Variants in EEA1 observed in about 807,000 individuals in gnomAD.
EEA1 encodes the protein early endosome antigen 1.
Under a neutral mutation model 209.2 loss-of-function variants are expected in EEA1, and 111 were observed. The observed-to-expected ratio is 0.53, with a 90% confidence interval of 0.45 to 0.62. The LOEUF is 0.62. EEA1 is among the 20% of genes least tolerant of loss of function. EEA1 has a pLI of 0.00. For synonymous variants in EEA1, 536 were observed against 540.6 expected (o/e 0.99, Z 0.12); for missense variants, 1,343 against 1,530.8 (o/e 0.88, Z 2.05).
chr12:92,857,841 C>T (rs905036728), intron 3 of EEA1, among the ~76,000 whole-genome samples: 2 of 152,160 alleles, frequency 1.3e-5, no homozygotes, highest in African/African-American at 4.8e-5. Context: ...ACATGGACTA[C>T]AAAATATACA....
chr12:92,849,585 T>G (rs947689446), intron 9 of EEA1, among the ~76,000 whole-genome samples: 2 of 152,208 alleles, frequency 1.3e-5, no homozygotes, highest in African/African-American at 4.8e-5. Flanking sequence ...AGTGTCAATT[T>G]TGGAAAAACT....
At chr12:92,828,980 C>G (rs930331200) in intron 11 of EEA1, among the ~76,000 whole-genome samples, 1 of 152,156 alleles carries the variant, frequency 6.6e-6, no homozygotes, top group Non-Finnish European at 1.5e-5. Context: ...GAAACTCTTC[C>G]AATTTCCCAT....
chr12:92,890,469 A>G (rs1393089746), intron 2 of EEA1, among the ~76,000 whole-genome samples: 1 of 152,204 alleles, frequency 6.6e-6, no homozygotes, highest in Non-Finnish European at 1.5e-5. Flanking sequence ...GAAGGTTAAA[A>G]AGAGACAGAT....
At chr12:92,904,605 C>T (rs1343425807) in intron 1 of EEA1, among the ~76,000 whole-genome samples, 3 of 152,206 alleles carry the variant, frequency 2.0e-5, no homozygotes, top group Non-Finnish European at 4.4e-5. Context: ...AGGTTACCCA[C>T]ACTTTTGTCT....
At chr12:92,850,904 G>A (rs892559954) in intron 9 of EEA1, among the ~76,000 whole-genome samples, 7 of 151,870 alleles carry the variant, frequency 4.6e-5, no homozygotes, top group Non-Finnish European at 1.5e-5. Context: ...TAATCTTTAT[G>A]CAAATATTCC....
rs1219917703 is a variant in EEA1 at position 92,811,269 on chromosome 12, T to C, written c.2199+10A>G. On this transcript the variant is annotated intron_variant, in intron 17 of 28. Transcript: ENST00000322349. ...AAAATATGACTAAATTCAACTTCTT[T>C]TATACAAACCTTAATTTGACCTTCT... 1 of 1,501,374 alleles carries C rather than the reference T, an allele frequency of 6.7e-7. No homozygotes were observed. Among genetic ancestry groups the C allele is most frequent in the Non-Finnish European group, 8.9e-7 (1 of 1,125,056 alleles). 93.0% of individuals were successfully genotyped at this position (1,501,374 alleles called of 1,614,324 possible). A position where few individuals can be genotyped will look rare whatever the true frequency, so the allele number is the denominator to read the frequency against.
At chr12:92,843,536 C>T (rs1458714437) in intron 9 of EEA1, among the ~76,000 whole-genome samples, 1 of 152,046 alleles carries the variant, frequency 6.6e-6, no homozygotes, top group African/African-American at 2.4e-5. Context: ...AAGACAAAGA[C>T]AGGTAAGCAA....
chr12:92,871,867 G>A (rs1592748839), intron 2 of EEA1, among the ~76,000 whole-genome samples: 1 of 151,794 alleles, frequency 6.6e-6, no homozygotes, highest in African/African-American at 2.4e-5. Context: ...ACCTATTATC[G>A]GCAAGTTAGC....
chr12:92,778,533 G>A (rs1164945359), intron 25 of EEA1, among the ~76,000 whole-genome samples: 1 of 151,988 alleles, frequency 6.6e-6, no homozygotes, highest in Non-Finnish European at 1.5e-5. Context: ...AATTCCATAT[G>A]CTTTCTTTTC....
intron 2 of EEA1, among the ~76,000 whole-genome samples, chr12:92,879,561 G>A (rs764071856): frequency 4.0e-5 from 6 of 151,122 alleles, no homozygotes; most frequent in Non-Finnish European, 5.9e-5. Flanking sequence ...GAAAAGAAGG[G>A]AGAGAGGGAG....
chr12:92,830,474 C>G (rs1285989389), intron 11 of EEA1, among the ~76,000 whole-genome samples: 1 of 151,904 alleles, frequency 6.6e-6, no homozygotes, highest in Non-Finnish European at 1.5e-5. Context: ...GCCTCCAGCT[C>G]CATCCACATT....
At chr12:92,875,770 C>G (rs989685901) in intron 2 of EEA1, among the ~76,000 whole-genome samples, 1 of 152,186 alleles carries the variant, frequency 6.6e-6, no homozygotes, top group African/African-American at 2.4e-5. Flanking sequence ...CAGACCCGAT[C>G]GCTGACCCAA....
intron 1 of EEA1, among the ~76,000 whole-genome samples, chr12:92,926,023 C>T (rs1453399915): frequency 2.0e-5 from 3 of 148,314 alleles, no homozygotes; most frequent in African/African-American, 5.0e-5. Flanking sequence ...GACGGAGTTC[C>T]GGTCTTGTTG....
chr12:92,892,741 A>AT (rs1046137855), intron 1 of EEA1, among the ~76,000 whole-genome samples: 23 of 151,180 alleles, frequency 1.5e-4, no homozygotes, highest in African/African-American at 2.4e-4. Flanking sequence ...TGTCCAGCTA[A>AT]TTTTTTTTTG....
At position 92,876,574 on chromosome 12, in the gene EEA1, T is replaced by C. The variant is rs375686526; in HGVS notation, c.118-11587A>G. Among the ~76,000 whole-genome samples the C allele has an allele frequency of 2.0e-5, 3 of 152,142 alleles. No individual in the cohort carries two copies. In the East Asian group the frequency reaches 5.8e-4, roughly 29 times the overall value. On this transcript the variant is annotated intron_variant, in intron 2 of 28. Coordinates refer to ENST00000322349, the MANE Select transcript of EEA1 (RefSeq NM_003566.4). ...ATCAAATCTGCCAGCACCTTGATCT[T>C]GGACTTCTCATACTCTAGAACTATG...
rs192963045 is a variant in EEA1, at chr12:92,904,016, G to A, written c.25-12295C>T. Reference sequence around the variant, plus strand: ...TCTCTCTTGCTGCCCAGACTGGAGTGCAATGGTGCAATCTCAGCTCACCAC... The same window carrying A: ...TCTCTCTTGCTGCCCAGACTGGAGTACAATGGTGCAATCTCAGCTCACCAC... On this transcript the variant is annotated intron_variant, in intron 1 of 28. Coordinates refer to ENST00000322349, the MANE Select transcript of EEA1 (RefSeq NM_003566.4). 9.3e-3 allele frequency among the ~76,000 whole-genome samples: 1,407 copies of A among 151,602 alleles called. 11 individuals are homozygous for A. Among genetic ancestry groups the A allele is most frequent in the Non-Finnish European group, 0.015 (987 of 67,902 alleles).
chr12:92,879,117 A>T, intron 2 of EEA1: 1 of 210,846 alleles, frequency 4.7e-6, no homozygotes, highest in Non-Finnish European at 9.6e-6. Flanking sequence ...AAGGTCCCCC[A>T]AAAATACATA....
At position 92,779,038 on chromosome 12, in the gene EEA1, A is replaced by C. The variant is rs896488870; in HGVS notation, c.3654+77T>G. On this transcript the variant is annotated intron_variant, in intron 25 of 28. Coordinates refer to ENST00000322349, the MANE Select transcript of EEA1 (RefSeq NM_003566.4). ...TAGGAAAGCATTTCAATCAGATCTT[A>C]TAAGTAGAACAGTCCTCTCACTGGA... 8 of 1,284,696 alleles carry C rather than the reference A, an allele frequency of 6.2e-6. No individual in the cohort carries two copies. The African/African-American group carries it at 1.2e-4, about 20-fold the overall frequency. 79.6% of individuals were successfully genotyped at this position (1,284,696 alleles called of 1,614,324 possible).
At chr12:92,779,062 G>C in intron 25 of EEA1, 53 bp downstream of exon 25, 1 of 1,462,984 alleles carries the variant, frequency 6.8e-7, no homozygotes, top group Non-Finnish European at 9.2e-7. Context: ...CCTCTCACTG[G>C]ATTGATTTAA....
Sources: allele counts gnomAD v4.1 joint callset (sites outside exome capture counted in the v4.1 genomes callset), GRCh38; gene constraint gnomAD v4.1.1; transcripts MANE v1.5; gene names NCBI Gene and HGNC (gene_info 2026-07-23, HGNC 2026-07-21).